GORASP2: variants seen among roughly 807,000 people sequenced by gnomAD.
GORASP2 encodes the protein Golgi reassembly-stacking protein 2.
Under a neutral mutation model 45.7 loss-of-function variants are expected in GORASP2, and 22 were observed. The ratio of observed to expected loss-of-function variants is 0.48; its 90% CI spans 0.34 to 0.69. GORASP2 has a LOEUF of 0.69. Ranked by LOEUF, GORASP2 falls within the 30% of genes least tolerant of loss-of-function variation. The probability of loss-of-function intolerance (pLI) is 0.01; values close to 1 mark genes in which losing one functional copy is unlikely to be tolerated. For missense variants in GORASP2, 491 were observed against 562.7 expected (o/e 0.87, Z 1.29); for synonymous variants, 221 against 215.6 (o/e 1.02, Z -0.22).
intron 7 of GORASP2, among the ~76,000 whole-genome samples, chr2:170,960,549 A>G (rs1484125059): frequency 1.3e-5 from 2 of 152,248 alleles, no homozygotes; most frequent in East Asian, 3.8e-4. Context: ...GGGAAAGAGA[A>G]GAAATTGGCT....
chr2:170,933,543 G>A (rs771367412), intron 1 of GORASP2, among the ~76,000 whole-genome samples: 60 of 152,266 alleles, frequency 3.9e-4, no homozygotes, highest in Non-Finnish European at 7.6e-4. Flanking sequence ...GTATGTGCAG[G>A]TACATTTGAG....
intron 9 of GORASP2, among the ~76,000 whole-genome samples, chr2:170,964,592 G>A (rs952143978): frequency 7.2e-5 from 11 of 152,300 alleles, no homozygotes; most frequent in Non-Finnish European, 1.5e-4. Flanking sequence ...GGCGGAGGTT[G>A]TAGTGAGCTG....
chr2:170,938,658 A>T (rs966659710), intron 1 of GORASP2, among the ~76,000 whole-genome samples: 4 of 152,186 alleles, frequency 2.6e-5, no homozygotes, highest in Non-Finnish European at 5.9e-5. Flanking sequence ...GACTTATTTC[A>T]TGGTGGGTCA....
intron 1 of GORASP2, among the ~76,000 whole-genome samples, chr2:170,944,879 G>A (rs1704149941): frequency 1.3e-5 from 2 of 152,144 alleles, no homozygotes; most frequent in Admixed American, 6.5e-5. Flanking sequence ...TTTATTAGAT[G>A]AGAAACTCCA....
Position 170,967,033 on chromosome 2 carries a change from CTA to C in GORASP2, c.*905_*906del, listed in dbSNP as rs931048207. On this transcript the variant is annotated 3_prime_UTR_variant, in exon 10 of 10. Transcript: ENST00000234160. Reference sequence around the variant, plus strand: ...TCACGCATCTTTAACTTTTCACGTCCTATGTTTGCTTTCTCCCATTTTTAAGA... The same window carrying C: ...TCACGCATCTTTAACTTTTCACGTCCTGTTTGCTTTCTCCCATTTTTAAGA... 7 of 152,170 alleles carry C rather than the reference CTA, an allele frequency of 4.6e-5. No homozygotes were observed. The highest frequency in any genetic ancestry group is 1.7e-4 in the African/African-American group (7 of 41,438). The allele number at this position is 152,170 out of a possible 1,614,324, so 9.4% of individuals were successfully genotyped here. A position where few individuals can be genotyped will look rare whatever the true frequency, so the allele number is the denominator to read the frequency against.
At chr2:170,940,803 A>G (rs953785170) in intron 1 of GORASP2, among the ~76,000 whole-genome samples, 2 of 152,160 alleles carry the variant, frequency 1.3e-5, no homozygotes, top group African/African-American at 4.8e-5. Context: ...GGCCTTTATT[A>G]TATCATGCAT....
At chr2:170,942,336 G>T (rs896103371) in intron 1 of GORASP2, among the ~76,000 whole-genome samples, 2 of 152,102 alleles carry the variant, frequency 1.3e-5, no homozygotes, top group African/African-American at 2.4e-5. Flanking sequence ...CAGAATCTGT[G>T]TATTACTCCA....
chr2:170,958,885 G>T (rs966688369), intron 7 of GORASP2, among the ~76,000 whole-genome samples: 7 of 152,130 alleles, frequency 4.6e-5, no homozygotes, highest in Non-Finnish European at 8.8e-5. Flanking sequence ...GGCCAGGCTG[G>T]TCTCAAACTC....
chr2:170,936,602 G>C, intron 1 of GORASP2: 4 of 1,281,866 alleles, frequency 3.1e-6, no homozygotes, highest in Non-Finnish European at 4.1e-6. Context: ...AATTATTCTG[G>C]GGTTTTGTTC....
intron 1 of GORASP2, among the ~76,000 whole-genome samples, chr2:170,930,269 C>G (rs1026272721): frequency 1.3e-5 from 2 of 152,218 alleles, no homozygotes; most frequent in African/African-American, 4.8e-5. Flanking sequence ...AGCATGTGGT[C>G]TTTTCCTCAT....
chr2:170,945,401 A>G (rs1704160184), intron 1 of GORASP2, among the ~76,000 whole-genome samples: 1 of 151,524 alleles, frequency 6.6e-6, no homozygotes. Context: ...TTAGCTGGGC[A>G]TGGTGGTGCA....
At chr2:170,960,550 G>T (rs1704533664) in intron 7 of GORASP2, among the ~76,000 whole-genome samples, 1 of 152,164 alleles carries the variant, frequency 6.6e-6, no homozygotes, top group Non-Finnish European at 1.5e-5. Flanking sequence ...GGAAAGAGAA[G>T]AAATTGGCTT....
chr2:170,928,985 T>A, upstream of GORASP2: 1 of 225,090 alleles, frequency 4.4e-6, no homozygotes, highest in Non-Finnish European at 8.7e-6. Context: ...CGCGTCTGCA[T>A]AAATCTAGTC....
chr2:170,936,555 G>A, intron 1 of GORASP2: 2 of 923,296 alleles, frequency 2.2e-6, no homozygotes, highest in Non-Finnish European at 3.1e-6. Flanking sequence ...ACATTTCCCT[G>A]TTGGCATTGC....
chr2:170,957,248 T>G (rs1302666892), intron 7 of GORASP2, among the ~76,000 whole-genome samples: 1 of 152,118 alleles, frequency 6.6e-6, no homozygotes, highest in Non-Finnish European at 1.5e-5. Flanking sequence ...AGCTCAGTCT[T>G]GCTTAGGGGA....
At chr2:170,929,511 G>T in intron 1 of GORASP2, 108 bp downstream of exon 1, 2 of 926,548 alleles carry the variant, frequency 2.2e-6, no homozygotes, top group Non-Finnish European at 3.0e-6. Flanking sequence ...GCCCGATCCC[G>T]CGAAGGAGCG....
intron 1 of GORASP2, among the ~76,000 whole-genome samples, chr2:170,931,414 G>A (rs1309766893): frequency 6.6e-6 from 1 of 152,104 alleles, no homozygotes; most frequent in Non-Finnish European, 1.5e-5. Flanking sequence ...CCTTTCATTT[G>A]TTATTGCCTA....
chr2:170,956,153 T>TACTA (rs1704423180), intron 6 of GORASP2, among the ~76,000 whole-genome samples: 1 of 152,150 alleles, frequency 6.6e-6, no homozygotes, highest in South Asian at 2.1e-4. Context: ...GAGAGTAGAA[T>TACTA]CTCTTCTAGT....
intron 1 of GORASP2, among the ~76,000 whole-genome samples, chr2:170,940,437 A>T (rs919344072): frequency 1.3e-5 from 2 of 152,176 alleles, no homozygotes; most frequent in Non-Finnish European, 2.9e-5. Context: ...AATTAAAGAG[A>T]GAAAGAGGTA....
Sources: gnomAD v4.1 joint callset for allele counts (sites outside exome capture counted in the v4.1 genomes callset) on GRCh38, gnomAD v4.1.1 for gene constraint, MANE v1.5 for transcripts, NCBI Gene and HGNC (gene_info 2026-07-23, HGNC 2026-07-21) for gene names.